The following PAXIP1 variants were observed in gnomAD, a reference collection of about 807,000 sequenced individuals.
PAXIP1 encodes the protein PAX interacting protein 1, also known as PAX-interacting protein 1.
PAXIP1 carries 19 observed loss-of-function variants against 140.6 expected under a neutral mutation model. The observed-to-expected ratio is 0.14, with a 90% confidence interval of 0.09 to 0.20. The LOEUF (loss-of-function observed/expected upper bound fraction) is 0.20, where lower values mean the gene tolerates loss of function less well. Ranked by LOEUF, PAXIP1 falls within the 10% of genes least tolerant of loss-of-function variation. The pLI is 1.00. For synonymous variants in PAXIP1, 442 were observed against 444.6 expected, an observed-to-expected ratio of 0.99 and a Z score of 0.07; for missense variants, 920 against 1,208.6, an observed-to-expected ratio of 0.76 and a Z score of 3.54.
chr7:154,976,307 G>T lies in PAXIP1; in HGVS notation c.463C>A (p.Arg155=). The T allele has an allele frequency of 6.3e-7, 1 of 1,594,456 alleles. No individual in the cohort carries two copies. Residue 155 remains arginine (R), a synonymous_variant, in exon 6 of 21, where the codon CGA becomes AGA. Transcript: ENST00000404141. ...KGEKYECALK[R]ASIKIVTPDW... Reference sequence around the variant, plus strand: ...GGAGTCACAATTTTAATACTTGCTCGCTTTAAAGCACATTCGTATTTCTCC... The same window carrying T: ...GGAGTCACAATTTTAATACTTGCTCTCTTTAAAGCACATTCGTATTTCTCC...
chr7:154,997,679 T>G (rs1027873008), intron 2 of PAXIP1, among the ~76,000 whole-genome samples: 1 of 152,192 alleles, frequency 6.6e-6, no homozygotes, highest in African/African-American at 2.4e-5. Flanking sequence ...AGTAGGTGGA[T>G]AAACAAAATC....
chr7:154,998,598 G>C (rs1810749288), intron 2 of PAXIP1, 52 bp downstream of exon 2: 3 of 1,464,862 alleles, frequency 2.0e-6, no homozygotes, highest in Non-Finnish European at 2.8e-6. Context: ...TCAATGTACT[G>C]CTTGCAAGAT....
intron 16 of PAXIP1, chr7:154,950,603 A>G (rs1480548380): frequency 1.3e-5 from 2 of 152,210 alleles, no homozygotes; most frequent in Admixed American, 6.5e-5. Flanking sequence ...TACTCTTACC[A>G]TATGATCAAG....
chr7:154,957,837 GGC>G (rs1246558498), intron 13 of PAXIP1, among the ~76,000 whole-genome samples: 1 of 151,516 alleles, frequency 6.6e-6, no homozygotes, highest in Non-Finnish European at 1.5e-5. Flanking sequence ...CGCGGTGGCA[GGC>G]GCCTGTAGTC....
At chr7:154,949,606 T>C (rs1808175868) in intron 16 of PAXIP1, 1 of 152,140 alleles carries the variant, frequency 6.6e-6, no homozygotes, top group African/African-American at 2.4e-5. Flanking sequence ...ATGTTTATGA[T>C]AGAGAAAACA....
Position 154,946,725 on chromosome 7 carries a change from G to A in PAXIP1, c.3011C>T (p.Ser1004Phe). Residue 1004 changes from serine (S) to phenylalanine (F), a missense_variant, in exon 18 of 21, where the codon TCC becomes TTC. Physicochemically the swap from Ser to Phe is radical, Grantham distance 155. This residue lies in a region of PAXIP1 where 303 missense variants were observed against 517.9 expected (regional missense o/e 0.59). Transcript: ENST00000404141. The surrounding 1 kb of genome is among the most constrained non-coding windows in gnomAD (Gnocchi z 4.9). Reference sequence around the variant, plus strand: ...GAGCTTCCGGAAAGATGGCTGCTTGGATAACACCTTTCCTCCTGCACACTC... The same window carrying A: ...GAGCTTCCGGAAAGATGGCTGCTTGAATAACACCTTTCCTCCTGCACACTC... Reference protein sequence around the residue: ...IVECAGGKVLSKQPSFRKLME... With the variant: ...IVECAGGKVLFKQPSFRKLME... The A allele has an allele frequency of 6.2e-7, 1 of 1,613,644 alleles. No homozygotes were observed. The highest frequency in any genetic ancestry group is 1.3e-5 in the African/African-American group (1 of 74,966).
intron 6 of PAXIP1, 63 bp downstream of exon 6, chr7:154,975,633 A>G: frequency 8.6e-7 from 1 of 1,157,324 alleles, no homozygotes. Flanking sequence ...CTACATTGAA[A>G]TAGACTGTGA....
intron 4 of PAXIP1, among the ~76,000 whole-genome samples, chr7:154,990,767 A>C (rs1471145968): frequency 6.6e-6 from 1 of 152,060 alleles, no homozygotes; most frequent in African/African-American, 2.4e-5. Flanking sequence ...ATATTTTTTC[A>C]TATTCAAGTT....
chr7:154,972,252 C>T (rs1162714626), intron 6 of PAXIP1, among the ~76,000 whole-genome samples: 2 of 152,170 alleles, frequency 1.3e-5, no homozygotes, highest in Non-Finnish European at 2.9e-5. Flanking sequence ...TTTGGGAGGC[C>T]GAGGTAGGCA....
Position 154,963,356 on chromosome 7 carries a change from A to G in PAXIP1, c.1989+315T>C, listed in dbSNP as rs1384997259. On this transcript the variant is annotated intron_variant, in intron 9 of 20. Transcript: ENST00000404141. This position sits in a 1 kb window ranked among gnomAD's most constrained non-coding sequence, Gnocchi z 4.1. ...ACACCTGGCTAATTTTTGTATTTTTAGTAGAGACAGGATTTCACCAGGTTG... is the reference window on the plus strand; with the variant it reads ...ACACCTGGCTAATTTTTGTATTTTTGGTAGAGACAGGATTTCACCAGGTTG... Among the ~76,000 whole-genome samples, 1 of 151,950 alleles carries G rather than the reference A, an allele frequency of 6.6e-6. No homozygotes were observed. Among genetic ancestry groups the G allele is most frequent in the East Asian group, 1.9e-4 (1 of 5,176 alleles).
At chr7:154,979,056 C>T (rs1809726717) in intron 5 of PAXIP1, among the ~76,000 whole-genome samples, 1 of 152,164 alleles carries the variant, frequency 6.6e-6, no homozygotes. Context: ...AGTTTTTAAT[C>T]ACTGAAAGAC....
chr7:154,946,812 G>C lies in PAXIP1; in HGVS notation c.2924C>G (p.Ala975Gly), dbSNP rs778100830. Residue 975 changes from alanine to glycine, a missense_variant and splice_region_variant, in exon 18 of 21, where the codon GCA (alanine) becomes GGA (glycine). This residue lies in a region of PAXIP1 where 303 missense variants were observed against 517.9 expected (regional missense o/e 0.59). Coordinates refer to ENST00000404141, the MANE Select transcript of PAXIP1 (RefSeq NM_007349.4). This position sits in a 1 kb window ranked among gnomAD's most constrained non-coding sequence, Gnocchi z 4.9. ...KRAHVSPLFK[A>G]KYFYITPGIC... Reference sequence around the variant, plus strand: ...TCCAGGTGTGATGTAAAAATATTTTGCCTAAAATTAAATGAAAATATATGT... The same window carrying C: ...TCCAGGTGTGATGTAAAAATATTTTCCCTAAAATTAAATGAAAATATATGT... The C allele has an allele frequency of 6.3e-7, 1 of 1,578,498 alleles. No individual in the cohort carries two copies. Among genetic ancestry groups the C allele is most frequent in the Non-Finnish European group, 8.6e-7 (1 of 1,159,274 alleles).
In PAXIP1 at chr7:154,986,461, G is replaced by A. The variant is rs62471875; in HGVS notation, c.325-3129C>T. Among the ~76,000 whole-genome samples the A allele has an allele frequency of 0.01, 1,570 of 152,246 alleles. 13 individuals are homozygous for A. The highest frequency in any genetic ancestry group is 0.014 in the Non-Finnish European group (931 of 68,006). ...CCCTCCTAGACTGTATGTTTACTGA[G>A]AGAGAAATCGCATCTTAATTAATTT... On this transcript the variant is annotated intron_variant, in intron 4 of 20. Coordinates refer to ENST00000404141, the MANE Select transcript of PAXIP1 (RefSeq NM_007349.4). The surrounding 1 kb of genome is among the most constrained non-coding windows in gnomAD (Gnocchi z 4.8).
At chr7:154,996,784 T>G (rs1212965254) in intron 2 of PAXIP1, among the ~76,000 whole-genome samples, 1 of 152,204 alleles carries the variant, frequency 6.6e-6, no homozygotes, top group Non-Finnish European at 1.5e-5. Flanking sequence ...AAAGGTTGGC[T>G]TACGTATCGA....
intron 2 of PAXIP1, among the ~76,000 whole-genome samples, chr7:154,995,144 G>C (rs1158325708): frequency 2.0e-5 from 3 of 152,148 alleles, no homozygotes; most frequent in African/African-American, 7.2e-5. Flanking sequence ...CCTTTTGTCT[G>C]CTGTCCACGA....
chr7:154,972,941 C>T (rs756507849), intron 6 of PAXIP1, among the ~76,000 whole-genome samples: 7 of 152,216 alleles, frequency 4.6e-5, no homozygotes, highest in East Asian at 3.9e-4. Context: ...GCTCTCAGGA[C>T]GACTGTGTGA....
intron 5 of PAXIP1, 23 bp from the exon 6 acceptor site, chr7:154,976,354 C>A: frequency 6.5e-7 from 1 of 1,539,464 alleles, no homozygotes; most frequent in Admixed American, 2.1e-5. Flanking sequence ...CAGAAACACA[C>A]ACAAAACAAA....
chr7:154,969,152 A>G (rs768131334), intron 6 of PAXIP1, 26 bp from the exon 7 acceptor site: 7 of 1,447,014 alleles, frequency 4.8e-6, no homozygotes, highest in Non-Finnish European at 6.4e-6. Context: ...TAGGTGAAAC[A>G]TTATCAACAG....
intron 12 of PAXIP1, 73 bp downstream of exon 12, chr7:154,960,820 A>C: frequency 9.1e-7 from 1 of 1,099,108 alleles, no homozygotes; most frequent in Non-Finnish European, 1.3e-6. Flanking sequence ...AATTAGTATG[A>C]ATAAAAAGAT....
Sources: gnomAD v4.1 joint callset for allele counts (sites outside exome capture counted in the v4.1 genomes callset) on GRCh38, gnomAD v4.1.1 for gene constraint, gnomAD v4.1.1 regional missense constraint, Gnocchi (gnomAD v3.1) non-coding constraint, MANE v1.5 for transcripts, NCBI Gene and HGNC (gene_info 2026-07-23, HGNC 2026-07-21) for gene names.